The following ETV5 variants were observed in gnomAD, a reference collection of about 807,000 sequenced individuals.
The protein encoded by ETV5 is ETS variant transcription factor 5.
A neutral mutation model predicts 70.0 loss-of-function variants in ETV5; 10 were observed. The ratio of observed to expected loss-of-function variants is 0.14; its 90% CI spans 0.09 to 0.24. ETV5 has a LOEUF of 0.24. Among genes scored for constraint, ETV5 ranks in the 10% least tolerant of loss-of-function variants. ETV5 has a pLI of 1.00. For synonymous variants in ETV5, 216 were observed against 242.2 expected (o/e 0.89, Z 1.01); for missense variants, 453 against 651.2 (o/e 0.70, Z 3.31).
intron 5 of ETV5, among the ~76,000 whole-genome samples, chr3:186,090,897 C>T (rs971908208): frequency 7.2e-5 from 11 of 152,180 alleles, no homozygotes; most frequent in African/African-American, 2.7e-4. Context: ...GCCTAGTTTA[C>T]CAGGCTAATA....
At position 186,057,409 on chromosome 3, in the gene ETV5, A is replaced by G. The variant is rs1261692152; in HGVS notation, c.1039+14T>C. 1.2e-6 allele frequency: 2 copies of G among 1,613,980 alleles called. No individual in the cohort carries two copies. The highest frequency in any genetic ancestry group is 3.3e-5 in the Admixed American group (2 of 60,012). ...ACCTCTACCTGGCAACAAACCTTGG[A>G]TGGGGCTACTTACCTTCCAGTCTCT... On this transcript the variant is annotated intron_variant, in intron 10 of 12. Transcript: ENST00000306376. The surrounding 1 kb of genome is among the most constrained non-coding windows in gnomAD (Gnocchi z 4.9).
chr3:186,089,125 A>G, intron 5 of ETV5, among the ~76,000 whole-genome samples: 1 of 152,204 alleles, frequency 6.6e-6, no homozygotes, highest in East Asian at 1.9e-4. Context: ...TCACAAGGAG[A>G]TAAGGTTAAG....
intron 5 of ETV5, among the ~76,000 whole-genome samples, chr3:186,101,678 G>A (rs756378126): frequency 2.0e-5 from 3 of 152,086 alleles, no homozygotes; most frequent in Admixed American, 6.5e-5. Context: ...CTACTCCCTG[G>A]CTCTGCAGCT....
chr3:186,108,510 C>G (rs1275337888), intron 1 of ETV5: 1 of 1,287,228 alleles, frequency 7.8e-7, no homozygotes, highest in Non-Finnish European at 1.0e-6. Context: ...CTCAGACATT[C>G]CCCTCAAACT....
chr3:186,100,203 G>A (rs1315765303), intron 5 of ETV5, among the ~76,000 whole-genome samples: 1 of 152,178 alleles, frequency 6.6e-6, no homozygotes, highest in Admixed American at 6.5e-5. Context: ...TCTCCTCCAT[G>A]TTTTCCTCAC....
rs1713183276 is a variant in ETV5 at position 186,057,059 on chromosome 3, A to G, written c.1209+16T>C. On this transcript the variant is annotated intron_variant, in intron 11 of 12. Transcript: ENST00000306376. The surrounding 1 kb of genome is among the most constrained non-coding windows in gnomAD (Gnocchi z 4.9). Reference sequence around the variant, plus strand: ...AACAAATCAAAACCCGTCTGAGTCCAGCATCCAGTGCATACCTCTTCCGGT... The same window carrying G: ...AACAAATCAAAACCCGTCTGAGTCCGGCATCCAGTGCATACCTCTTCCGGT... 4 of 1,605,918 alleles carry G rather than the reference A, an allele frequency of 2.5e-6. No individual in the cohort carries two copies. In the East Asian group the frequency reaches 9.0e-5, roughly 36 times the overall value.
In ETV5 at chr3:186,048,153, A is replaced by T. The variant is rs1578532931; in HGVS notation, c.*486T>A. 1.7e-5 allele frequency: 4 copies of T among 237,532 alleles called. No individual in the cohort carries two copies. The Middle Eastern group carries it at 5.1e-3, about 301-fold the overall frequency. 14.7% of individuals were successfully genotyped at this position (237,532 alleles called of 1,614,324 possible). Reference sequence around the variant, plus strand: ...CTAGAAGAGCTTTCCAATGTTTAAGATGTATTTTTAACCCTTAATGGTTTG... The same window carrying T: ...CTAGAAGAGCTTTCCAATGTTTAAGTTGTATTTTTAACCCTTAATGGTTTG... On this transcript the variant is annotated 3_prime_UTR_variant, in exon 13 of 13. Coordinates refer to ENST00000306376, the MANE Select transcript of ETV5 (RefSeq NM_004454.3).
At position 186,105,213 on chromosome 3, in the gene ETV5, TG is replaced by T; in HGVS notation, c.232+91del. 1 of 1,037,032 alleles carries T rather than the reference TG, an allele frequency of 9.6e-7. No homozygotes were observed. The highest frequency in any genetic ancestry group is 1.5e-6 in the Non-Finnish European group (1 of 689,502). The allele number at this position is 1,037,032 out of a possible 1,614,324, so 64.2% of individuals were successfully genotyped here. A position where few individuals can be genotyped will look rare whatever the true frequency, so the allele number is the denominator to read the frequency against. On this transcript the variant is annotated intron_variant, in intron 5 of 12. Coordinates refer to ENST00000306376, the MANE Select transcript of ETV5 (RefSeq NM_004454.3). This position sits in a 1 kb window ranked among gnomAD's most constrained non-coding sequence, Gnocchi z 4.5. ...CTAAATGCATACTACTGTCTAAATC[TG>T]GCCATAGCTGAAAAAAGCATATTCT...
intron 11 of ETV5, among the ~76,000 whole-genome samples, chr3:186,053,194 C>T (rs1185546168): frequency 6.6e-6 from 1 of 152,308 alleles, no homozygotes; most frequent in East Asian, 1.9e-4. Flanking sequence ...CTCTGCCTCC[C>T]AGGCTCAAGC....
chr3:186,052,295 A>G lies in ETV5; in HGVS notation c.1210-164T>C, dbSNP rs1338292718. Among the ~76,000 whole-genome samples, 2 of 152,198 alleles carry G rather than the reference A, an allele frequency of 1.3e-5. No homozygotes were observed. Among genetic ancestry groups the G allele is most frequent in the African/African-American group, 4.8e-5 (2 of 41,440 alleles). Reference sequence around the variant, plus strand: ...TTAACTCCCTCAAGACCAAACATTCAACAAAGGCGATGATTCAGTGACAAC... The same window carrying G: ...TTAACTCCCTCAAGACCAAACATTCGACAAAGGCGATGATTCAGTGACAAC... On this transcript the variant is annotated intron_variant, in intron 11 of 12. Transcript: ENST00000306376. This position sits in a 1 kb window ranked among gnomAD's most constrained non-coding sequence, Gnocchi z 4.5.
At chr3:186,083,525 A>C (rs994716879) in intron 5 of ETV5, among the ~76,000 whole-genome samples, 1 of 152,202 alleles carries the variant, frequency 6.6e-6, no homozygotes, top group African/African-American at 2.4e-5. Flanking sequence ...TGTTTCAGGA[A>C]CTGCACGTAT....
intron 8 of ETV5, 76 bp from the exon 9 acceptor site, chr3:186,064,552 C>G: frequency 6.9e-7 from 1 of 1,442,282 alleles, no homozygotes; most frequent in Non-Finnish European, 9.8e-7. Context: ...TCAACTGCAG[C>G]TCTGTGGTAA....
Position 186,064,490 on chromosome 3 carries a change from A to C in ETV5, c.911-14T>G. ...AGTTAGGCACTTCTGAAAGGAAAGC[A>C]AAGGTGGACACAATCCTGTCAATAG... On this transcript the variant is annotated splice_polypyrimidine_tract_variant and intron_variant, in intron 8 of 12. Coordinates refer to ENST00000306376, the MANE Select transcript of ETV5 (RefSeq NM_004454.3). 6.2e-7 allele frequency: 1 copy of C among 1,613,746 alleles called. No individual in the cohort carries two copies. The highest frequency in any genetic ancestry group is 8.5e-7 in the Non-Finnish European group (1 of 1,179,660).
rs80238740 is a variant in ETV5 at position 186,098,437 on chromosome 3, C to T, written c.232+6868G>A. Among the ~76,000 whole-genome samples the T allele has an allele frequency of 2.4e-4, 37 of 152,236 alleles. No homozygotes were observed. The East Asian group carries it at 6.4e-3, about 26-fold the overall frequency. On this transcript the variant is annotated intron_variant, in intron 5 of 12. Transcript: ENST00000306376. Reference sequence around the variant, plus strand: ...CCCCAGGGGAGGAGGGCTCTGGAGACACTACCAGATTTTCTGGCTGCAGAG... The same window carrying T: ...CCCCAGGGGAGGAGGGCTCTGGAGATACTACCAGATTTTCTGGCTGCAGAG...
At chr3:186,067,207 G>T (rs188627156) in intron 7 of ETV5, among the ~76,000 whole-genome samples, 106 of 152,322 alleles carry the variant, frequency 7.0e-4, no homozygotes, top group Non-Finnish European at 1.3e-3. Context: ...GGCCAATGCG[G>T]GGGGATCACG....
intron 7 of ETV5, among the ~76,000 whole-genome samples, chr3:186,071,658 A>T (rs1713640047): frequency 1.3e-5 from 2 of 152,218 alleles, no homozygotes; most frequent in Non-Finnish European, 2.9e-5. Context: ...CTAAAATCAG[A>T]AGATATGCAA....
rs1423524211 is a variant in ETV5 at position 186,046,405 on chromosome 3, A to G, written c.*2234T>C. 4.4e-6 allele frequency: 1 copy of G among 229,272 alleles called. No individual in the cohort carries two copies. Among genetic ancestry groups the G allele is most frequent in the East Asian group, 6.2e-5 (1 of 16,062 alleles). 14.2% of individuals were successfully genotyped at this position (229,272 alleles called of 1,614,324 possible). A position where few individuals can be genotyped will look rare whatever the true frequency, so the allele number is the denominator to read the frequency against. ...ATGCATACGGCCCTGCGCAGGGGAA[A>G]GTATTTCAAATCAGCTGGCAGGTTC... On this transcript the variant is annotated 3_prime_UTR_variant, in exon 13 of 13. Transcript: ENST00000306376.
chr3:186,070,251 C>G (rs1056235293), intron 7 of ETV5, among the ~76,000 whole-genome samples: 1 of 152,232 alleles, frequency 6.6e-6, no homozygotes, highest in African/African-American at 2.4e-5. Flanking sequence ...CTCCAGAAAT[C>G]AGTTCCTTTG....
intron 7 of ETV5, among the ~76,000 whole-genome samples, chr3:186,068,480 G>GC (rs1553787427): frequency 1.3e-5 from 2 of 152,086 alleles, no homozygotes; most frequent in Non-Finnish European, 2.9e-5. Context: ...AATATGCACT[G>GC]TTTTTTAACA....
Sources: gnomAD v4.1 joint callset for allele counts (sites outside exome capture counted in the v4.1 genomes callset) on GRCh38, gnomAD v4.1.1 for gene constraint, Gnocchi (gnomAD v3.1) non-coding constraint, MANE v1.5 for transcripts, NCBI Gene and HGNC (gene_info 2026-07-23, HGNC 2026-07-21) for gene names.